Variants in BCKDHA observed in about 807,000 individuals in gnomAD.
The protein encoded by BCKDHA is 2-oxoisovalerate dehydrogenase subunit alpha, mitochondrial.
A neutral mutation model predicts 52.2 loss-of-function variants in BCKDHA; 43 were observed. The observed-to-expected ratio is 0.82, with a 90% CI of 0.64 to 1.06. The LOEUF is 1.06. Among genes scored for constraint, BCKDHA ranks in the 50% least tolerant of loss-of-function variants. The probability of loss-of-function intolerance (pLI) is 0.00; values close to 1 mark genes in which losing one functional copy is unlikely to be tolerated. For missense variants in BCKDHA, 527 were observed against 621.3 expected (o/e 0.85, Z 1.61); for synonymous variants, 234 against 247.9 (o/e 0.94, Z 0.53).
chr19:41,418,769 G>A, intron 4 of BCKDHA: 1 of 450,714 alleles, frequency 2.2e-6, no homozygotes, highest in Non-Finnish European at 4.4e-6. Context: ...CCAACTCCTG[G>A]GCTCAAGCGA....
chr19:41,401,140 G>A (rs1324401620), intron 1 of BCKDHA, among the ~76,000 whole-genome samples: 1 of 151,942 alleles, frequency 6.6e-6, no homozygotes, highest in African/African-American at 2.4e-5. Flanking sequence ...GCAATGGCAT[G>A]ATCTTGGCTC....
At chr19:41,424,108 G>A (rs535026498) in intron 8 of BCKDHA, among the ~76,000 whole-genome samples, 64 of 152,252 alleles carry the variant, frequency 4.2e-4, no homozygotes, top group African/African-American at 1.5e-3. Context: ...CCCAGGGCCC[G>A]TGCAGCCCAG....
intron 3 of BCKDHA, among the ~76,000 whole-genome samples, chr19:41,412,099 C>T (rs2039260234): frequency 6.6e-6 from 1 of 152,184 alleles, no homozygotes; most frequent in Non-Finnish European, 1.5e-5. Context: ...GATCTCATGT[C>T]CATCCGTATG....
At chr19:41,414,183 G>A (rs764518711) in intron 4 of BCKDHA, 26 bp downstream of exon 4, 1 of 1,599,316 alleles carries the variant, frequency 6.3e-7, no homozygotes, top group Non-Finnish European at 8.6e-7. Flanking sequence ...GTTTGGCCCT[G>A]TGGTCCCCAT....
At chr19:41,422,838 G>T in intron 7 of BCKDHA, 68 bp downstream of exon 7, 1 of 1,606,878 alleles carries the variant, frequency 6.2e-7, no homozygotes, top group South Asian at 1.1e-5. Context: ...TCCTCATATC[G>T]ATCACTGTCT....
intron 3 of BCKDHA, 49 bp downstream of exon 3, chr19:41,411,058 C>T (rs774899842): frequency 2.5e-6 from 4 of 1,591,856 alleles, no homozygotes; most frequent in Admixed American, 3.3e-5. Flanking sequence ...ACCTGAGGTC[C>T]CCTACCTGTG....
In BCKDHA at chr19:41,423,082, C is replaced by G. The variant is rs373390136; in HGVS notation, c.1080C>G (p.Pro360=). 3 of 1,582,166 alleles carry G rather than the reference C, an allele frequency of 1.9e-6. No homozygotes were observed. The highest frequency in any genetic ancestry group is 4.6e-5 in the East Asian group (2 of 43,278). The change falls in exon 8 of 9, where the codon CCC becomes CCG. Residue 360 remains proline, a synonymous_variant. Transcript: ENST00000269980. ...ATTACTGGGATAAACAGGACCACCC[C>G]ATCTCCCGGCTGCGGCACTATCTGC... is the stretch of plus-strand genomic sequence containing the variant. ...EVNYWDKQDH[P]ISRLRHYLLS... is the part of the protein sequence containing the mutation.
rs1373517380 is a variant in BCKDHA, at chr19:41,422,380, C to T, written c.853+10C>T. 2 of 1,613,912 alleles carry T rather than the reference C, an allele frequency of 1.2e-6. No individual in the cohort carries two copies. The highest frequency in any genetic ancestry group is 3.3e-5 in the Admixed American group (2 of 60,002). ...CGCGGCGATGGCATTGGTATGGGCT[C>T]TGCTGGCTGCTCCCCACCCCGCTGG... On this transcript the variant is annotated intron_variant, in intron 6 of 8. Coordinates refer to ENST00000269980, the MANE Select transcript of BCKDHA (RefSeq NM_000709.4).
Position 41,422,273 on chromosome 19 carries a change from C to G in BCKDHA, c.756C>G (p.Phe252Leu). The change falls in exon 6 of 9, where the codon TTC becomes TTG. Residue 252 changes from phenylalanine (F) to leucine (L), a missense_variant. Physicochemically the swap from Phe to Leu is conservative, Grantham distance 22. Coordinates refer to ENST00000269980, the MANE Select transcript of BCKDHA (RefSeq NM_000709.4). ...SEGDAHAGFN[F>L]AATLECPIIF... ...GGGACGCCCATGCCGGCTTCAACTTCGCTGCCACACTTGAGTGCCCCATCA... is the reference window on the plus strand; with the variant it reads ...GGGACGCCCATGCCGGCTTCAACTTGGCTGCCACACTTGAGTGCCCCATCA... 6.2e-7 allele frequency: 1 copy of G among 1,614,212 alleles called. No homozygotes were observed. Among genetic ancestry groups the G allele is most frequent in the Non-Finnish European group, 8.5e-7 (1 of 1,180,014 alleles).
In BCKDHA at chr19:41,423,104, C is replaced by G. The variant is rs1424622449; in HGVS notation, c.1102C>G (p.Leu368Val). Residue 368 changes from leucine to valine, a missense_variant, in exon 8 of 9, where the codon CTG becomes GTG. By Grantham distance (32) the Leu-to-Val change is conservative. Coordinates refer to ENST00000269980, the MANE Select transcript of BCKDHA (RefSeq NM_000709.4). ...DHPISRLRHY[L>V]LSQGWWDEEQ... ...CCCCATCTCCCGGCTGCGGCACTAT[C>G]TGCTGAGCCAAGGCTGGTGGGATGA... 2 of 1,567,636 alleles carry G rather than the reference C, an allele frequency of 1.3e-6. No homozygotes were observed. The highest frequency in any genetic ancestry group is 1.7e-6 in the Non-Finnish European group (2 of 1,156,036).
At chr19:41,421,099 CAG>C (rs938581459) in intron 5 of BCKDHA, among the ~76,000 whole-genome samples, 1 of 152,114 alleles carries the variant, frequency 6.6e-6, no homozygotes, top group African/African-American at 2.4e-5. Flanking sequence ...GAAGCTTTCT[CAG>C]AGGAGGGGGC....
intron 8 of BCKDHA, 147 bp downstream of exon 8, chr19:41,423,316 C>T: frequency 7.8e-7 from 1 of 1,278,720 alleles, no homozygotes; most frequent in South Asian, 1.5e-5. Flanking sequence ...CTGCTGGGGC[C>T]ATGTGTGTCC....
intron 1 of BCKDHA, among the ~76,000 whole-genome samples, chr19:41,406,792 ACTC>A (rs1231495229): frequency 6.6e-6 from 1 of 150,932 alleles, no homozygotes; most frequent in Non-Finnish European, 1.5e-5. Context: ...CTGGTCTTGA[ACTC>A]CTGACCTCAG....
In BCKDHA at chr19:41,424,422, C is replaced by T; in HGVS notation, c.1168-16C>T. The T allele has an allele frequency of 6.2e-7, 1 of 1,613,670 alleles. No individual in the cohort carries two copies. On this transcript the variant is annotated splice_polypyrimidine_tract_variant and intron_variant, in intron 8 of 8. Coordinates refer to ENST00000269980, the MANE Select transcript of BCKDHA (RefSeq NM_000709.4). Reference sequence around the variant, plus strand: ...GGGAGGCCGGCTAGCCTGCCCACTGCCCCATGTCCCCACAGGTGATGGAGG... The same window carrying T: ...GGGAGGCCGGCTAGCCTGCCCACTGTCCCATGTCCCCACAGGTGATGGAGG...
intron 1 of BCKDHA, among the ~76,000 whole-genome samples, chr19:41,403,858 AC>A (rs2039164061): frequency 6.6e-6 from 1 of 152,004 alleles, no homozygotes; most frequent in Non-Finnish European, 1.5e-5. Context: ...CAGCAGTTTA[AC>A]CCTAGAGACC....
chr19:41,411,963 C>T (rs2288871), intron 3 of BCKDHA, among the ~76,000 whole-genome samples: 88,480 of 152,106 alleles, frequency 0.58, 25,971 homozygotes, highest in Middle Eastern at 0.62. Context: ...CCCACAGCAA[C>T]GGGAAAGCCA....
intron 5 of BCKDHA, 64 bp downstream of exon 5, chr19:41,419,360 C>T: frequency 6.4e-7 from 1 of 1,550,400 alleles, no homozygotes; most frequent in Non-Finnish European, 8.7e-7. Context: ...GTCCAGGCCT[C>T]AGCTCTTTTG....
At chr19:41,410,527 C>G in intron 1 of BCKDHA, 110 bp from the exon 2 acceptor site, 1 of 1,275,666 alleles carries the variant, frequency 7.8e-7, no homozygotes, top group Non-Finnish European at 1.1e-6. Flanking sequence ...CCAGAGTTCA[C>G]TGGGGCCACA....
intron 1 of BCKDHA, among the ~76,000 whole-genome samples, chr19:41,409,886 C>T (rs2039233164): frequency 6.6e-6 from 1 of 151,308 alleles, no homozygotes; most frequent in Admixed American, 6.6e-5. Context: ...CTGCAACCCC[C>T]ACCTCCCGGG....
Sources: allele counts gnomAD v4.1 joint callset (sites outside exome capture counted in the v4.1 genomes callset), GRCh38; gene constraint gnomAD v4.1.1; transcripts MANE v1.5; gene names NCBI Gene and HGNC (gene_info 2026-07-23, HGNC 2026-07-21).